KHDRBS2: variants seen among roughly 807,000 people sequenced by gnomAD.
KHDRBS2 encodes the protein KH domain-containing, RNA-binding, signal transduction-associated protein 2.
KHDRBS2 carries 26 observed loss-of-function variants against 44.3 expected under a neutral mutation model. That is an observed-to-expected ratio of 0.59 (90% CI 0.43 to 0.81). The LOEUF is 0.81. Among genes scored for constraint, KHDRBS2 ranks in the 40% least tolerant of loss-of-function variants. The probability of loss-of-function intolerance (pLI) is 0.00; values close to 1 mark genes in which losing one functional copy is unlikely to be tolerated. For synonymous variants in KHDRBS2, 194 were observed against 151.1 expected (o/e 1.28, Z -2.08); for missense variants, 476 against 433.1 (o/e 1.10, Z -0.88).
At chr6:61,891,271 A>C (rs544878176) in intron 6 of KHDRBS2, among the ~76,000 whole-genome samples, 1 of 152,198 alleles carries the variant, frequency 6.6e-6, no homozygotes, top group South Asian at 2.1e-4. Context: ...GCATCAGTTA[A>C]ATTTAATATT....
At chr6:62,108,086 G>T (rs1310730696) in intron 2 of KHDRBS2, among the ~76,000 whole-genome samples, 29 of 152,028 alleles carry the variant, frequency 1.9e-4, no homozygotes, top group Non-Finnish European at 3.1e-4. Flanking sequence ...AAGGCAAAAT[G>T]GACAAATGGG....
At chr6:61,661,874 A>C in the KHDRBS2 span, among the ~76,000 whole-genome samples, 14 of 152,038 alleles carry the variant, frequency 9.2e-5, no homozygotes, top group South Asian at 6.2e-4. Context: ...CAATGACTTT[A>C]TTCACAGAAT....
intron 4 of KHDRBS2, among the ~76,000 whole-genome samples, chr6:61,955,726 A>ATATGTGTATATGTACACATATG (rs1767047167): frequency 8.9e-6 from 1 of 112,066 alleles, no homozygotes; most frequent in Non-Finnish European, 1.9e-5. Context: ...ATGTATACAT[A>ATATGTGTATATGTACACATATG]TATAGACAGA....
chr6:62,065,329 C>A (rs1376948284), intron 2 of KHDRBS2, among the ~76,000 whole-genome samples: 2 of 151,908 alleles, frequency 1.3e-5, no homozygotes, highest in Non-Finnish European at 2.9e-5. Flanking sequence ...AAGACACATG[C>A]ACATGTATGT....
intron 4 of KHDRBS2, among the ~76,000 whole-genome samples, chr6:61,929,104 T>C (rs1809521841): frequency 6.6e-6 from 1 of 151,994 alleles, no homozygotes; most frequent in African/African-American, 2.4e-5. Flanking sequence ...GGAAGTACAA[T>C]ATCAATCTAT....
At chr6:62,140,687 C>T (rs144918541) in intron 2 of KHDRBS2, among the ~76,000 whole-genome samples, 1 of 152,250 alleles carries the variant, frequency 6.6e-6, no homozygotes, top group African/African-American at 2.4e-5. Context: ...TATTAAGAAC[C>T]TCTGTTATTG....
the KHDRBS2 span, among the ~76,000 whole-genome samples, chr6:61,648,413 A>C: frequency 3.4e-4 from 52 of 152,256 alleles, no homozygotes; most frequent in African/African-American, 1.3e-3. Context: ...AACCTTCCCC[A>C]GTCATTTGAA....
chr6:62,238,356 A>G lies in KHDRBS2; in HGVS notation c.91+47502T>C, dbSNP rs1204886425. The stretch of plus-strand genomic sequence containing the variant: ...CTTATATGAGTACATTTTTAACTTT[A>G]TAAGAAACTCCCAAACTGTTTCCAG... On this transcript the variant is annotated intron_variant, in intron 1 of 8. Coordinates refer to ENST00000281156, the MANE Select transcript of KHDRBS2 (RefSeq NM_152688.4). Among the ~76,000 whole-genome samples, 12 of 152,274 alleles carry G rather than the reference A, an allele frequency of 7.9e-5. No individual in the cohort carries two copies. The East Asian group carries it at 1.7e-3, about 22-fold the overall frequency.
the KHDRBS2 span, among the ~76,000 whole-genome samples, chr6:61,544,231 C>T: frequency 2.0e-5 from 3 of 151,850 alleles, no homozygotes; most frequent in Admixed American, 6.6e-5. Flanking sequence ...TAAACATATA[C>T]ACCTAAAAAT....
At chr6:61,624,989 G>A in the KHDRBS2 span, among the ~76,000 whole-genome samples, 1 of 152,142 alleles carries the variant, frequency 6.6e-6, no homozygotes, top group South Asian at 2.1e-4. Context: ...GACAGCAGGA[G>A]AGAAGTCATC....
At chr6:62,065,039 T>C (rs1487245890) in intron 2 of KHDRBS2, among the ~76,000 whole-genome samples, 1 of 152,156 alleles carries the variant, frequency 6.6e-6, no homozygotes. Context: ...AAAATGCTCG[T>C]CATCACTAGC....
the KHDRBS2 span, among the ~76,000 whole-genome samples, chr6:61,547,469 T>C: frequency 6.6e-6 from 1 of 152,106 alleles, no homozygotes; most frequent in Non-Finnish European, 1.5e-5. Context: ...TAACTAAATT[T>C]GATGGACCCA....
intron 1 of KHDRBS2, among the ~76,000 whole-genome samples, chr6:62,212,643 A>G (rs1829264853): frequency 6.6e-6 from 1 of 152,186 alleles, no homozygotes; most frequent in Non-Finnish European, 1.5e-5. Context: ...ATGTGAAGAC[A>G]GAGGATTAGA....
At chr6:61,896,460 C>T (rs1802963017) in intron 5 of KHDRBS2, among the ~76,000 whole-genome samples, 1 of 151,948 alleles carries the variant, frequency 6.6e-6, no homozygotes, top group Non-Finnish European at 1.5e-5. Context: ...TTATATGATG[C>T]TCATATCAAA....
chr6:61,827,949 A>T (rs745620569), intron 6 of KHDRBS2, among the ~76,000 whole-genome samples: 8 of 152,176 alleles, frequency 5.3e-5, no homozygotes, highest in Non-Finnish European at 8.8e-5. Context: ...GAAGGGCATG[A>T]TTAGGTCCAC....
At chr6:62,253,814 C>T (rs1174450997) in intron 1 of KHDRBS2, among the ~76,000 whole-genome samples, 3 of 151,938 alleles carry the variant, frequency 2.0e-5, no homozygotes, top group Admixed American at 6.6e-5. Flanking sequence ...GAATGTTGAA[C>T]TTACACTGCA....
intron 1 of KHDRBS2, among the ~76,000 whole-genome samples, chr6:62,274,242 G>A (rs1335153669): frequency 6.6e-6 from 1 of 152,022 alleles, no homozygotes; most frequent in Non-Finnish European, 1.5e-5. Context: ...TTGAATCCAG[G>A]CCACTGTAAC....
chr6:61,641,781 A>C, the KHDRBS2 span, among the ~76,000 whole-genome samples: 1 of 152,348 alleles, frequency 6.6e-6, no homozygotes, highest in African/African-American at 2.4e-5. Flanking sequence ...AAGGGCTGAT[A>C]GAAAGAATAT....
intron 6 of KHDRBS2, among the ~76,000 whole-genome samples, chr6:61,854,862 G>C (rs897484310): frequency 1.4e-4 from 21 of 152,170 alleles, no homozygotes; most frequent in African/African-American, 5.1e-4. Context: ...GATGCATATG[G>C]TGCCTTTTGG....
Sources: gnomAD v4.1 joint callset for allele counts (sites outside exome capture counted in the v4.1 genomes callset) on GRCh38, gnomAD v4.1.1 for gene constraint, MANE v1.5 for transcripts, NCBI Gene and HGNC (gene_info 2026-07-23, HGNC 2026-07-21) for gene names.